Variants in TTC39B observed in about 807,000 individuals in gnomAD.
TTC39B encodes the protein tetratricopeptide repeat domain 39B.
TTC39B carries 92 observed loss-of-function variants against 96.6 expected under a neutral mutation model. The observed-to-expected ratio is 0.95, with a 90% CI of 0.80 to 1.13. TTC39B has a LOEUF of 1.13. Ranked by LOEUF, TTC39B falls within the 50% of genes most tolerant of loss-of-function variation. The probability of loss-of-function intolerance (pLI) is 0.00; values close to 1 mark genes in which losing one functional copy is unlikely to be tolerated. For missense variants in TTC39B, 955 were observed against 809.3 expected, an observed-to-expected ratio of 1.18 and a Z score of -2.18; for synonymous variants, 367 against 299.4, an observed-to-expected ratio of 1.23 and a Z score of -2.33.
chr9:15,265,052 TTG>T (rs1823081294), intron 2 of TTC39B, among the ~76,000 whole-genome samples: 1 of 152,132 alleles, frequency 6.6e-6, no homozygotes, highest in African/African-American at 2.4e-5. Flanking sequence ...CAAATATAAA[TTG>T]TTTCCCTCAT....
chr9:15,204,504 G>A (rs1447781595), intron 6 of TTC39B, among the ~76,000 whole-genome samples: 1 of 151,458 alleles, frequency 6.6e-6, no homozygotes, highest in Non-Finnish European at 1.5e-5. Flanking sequence ...ACTCCAGCCC[G>A]GGCAACAAGA....
At chr9:15,270,901 G>T (rs976729419) in intron 1 of TTC39B, among the ~76,000 whole-genome samples, 1 of 152,148 alleles carries the variant, frequency 6.6e-6, no homozygotes, top group Non-Finnish European at 1.5e-5. Context: ...AAGGAAAGGT[G>T]AAGAGAAGAA....
At chr9:15,254,443 T>C (rs1563766491) in intron 2 of TTC39B, among the ~76,000 whole-genome samples, 1 of 152,316 alleles carries the variant, frequency 6.6e-6, no homozygotes, top group East Asian at 1.9e-4. Flanking sequence ...ATATATTATA[T>C]GTATATACTA....
intron 3 of TTC39B, among the ~76,000 whole-genome samples, chr9:15,216,549 CTCCTA>C (rs1228167964): frequency 6.6e-6 from 1 of 152,164 alleles, no homozygotes; most frequent in Admixed American, 6.5e-5. Context: ...TGCCTGACAC[CTCCTA>C]TAACAGTCCA....
rs370613402 is a variant in TTC39B at position 15,203,928 on chromosome 9, C to T, written c.692-38G>A. 169 of 1,569,928 alleles carry T rather than the reference C, an allele frequency of 1.1e-4. 1 individual carries two copies. The South Asian group carries it at 1.5e-3, about 14-fold the overall frequency. On this transcript the variant is annotated intron_variant, in intron 6 of 19. Transcript: ENST00000512701. The stretch of plus-strand genomic sequence containing the variant: ...AATAAAATTATATTAAGTAAAATCA[C>T]ACATCCAAAGTGATTGCTCTGTGAT...
intron 2 of TTC39B, among the ~76,000 whole-genome samples, chr9:15,243,755 A>T (rs573254493): frequency 1.3e-5 from 2 of 152,168 alleles, no homozygotes; most frequent in Non-Finnish European, 1.5e-5. Context: ...ACAAAAAAAT[A>T]AAAAATTGGA....
Position 15,265,672 on chromosome 9 carries a change from C to T in TTC39B, c.275+2242G>A, listed in dbSNP as rs189535209. The stretch of plus-strand genomic sequence containing the variant: ...GAGGAGGGGAAAAAGGGCAACTTCA[C>T]AGTGGAAAAACCTGACAAACACTAC... On this transcript the variant is annotated intron_variant, in intron 2 of 19. Transcript: ENST00000512701. Among the ~76,000 whole-genome samples the T allele has an allele frequency of 1.2e-3, 187 of 152,216 alleles. 5 individuals are homozygous for T. The highest frequency in any genetic ancestry group is 1.5e-3 in the Non-Finnish European group (99 of 68,038).
chr9:15,281,643 AAAAAAAAT>A (rs1823765680), intron 1 of TTC39B, among the ~76,000 whole-genome samples: 4 of 148,198 alleles, frequency 2.7e-5, no homozygotes, highest in African/African-American at 7.9e-5. Context: ...AAAAAAAAAA[AAAAAAAAT>A]GGCAAAAAGC....
At chr9:15,262,461 T>C in intron 2 of TTC39B, among the ~76,000 whole-genome samples, 1 of 152,232 alleles carries the variant, frequency 6.6e-6, no homozygotes, top group East Asian at 1.9e-4. Context: ...ATCTCTAATT[T>C]TTCCTCCAGT....
At chr9:15,246,335 G>A (rs1464020317) in intron 2 of TTC39B, among the ~76,000 whole-genome samples, 1 of 151,370 alleles carries the variant, frequency 6.6e-6, no homozygotes, top group Admixed American at 6.6e-5. Flanking sequence ...CTGCAGAGGG[G>A]TATCTCATTA....
intron 10 of TTC39B, among the ~76,000 whole-genome samples, chr9:15,190,873 T>A (rs747788069): frequency 2.6e-5 from 4 of 151,020 alleles, no homozygotes; most frequent in Non-Finnish European, 5.9e-5. Context: ...CCCCCACCCC[T>A]CCCATCTTTG....
chr9:15,266,084 A>C (rs1178208085), intron 2 of TTC39B, among the ~76,000 whole-genome samples: 1 of 152,224 alleles, frequency 6.6e-6, no homozygotes, highest in Non-Finnish European at 1.5e-5. Flanking sequence ...TAATATATCC[A>C]TATTGATCAT....
chr9:15,185,140 T>A (rs2118677682), intron 16 of TTC39B, 140 bp downstream of exon 16: 1 of 1,088,504 alleles, frequency 9.2e-7, no homozygotes, highest in Middle Eastern at 3.3e-4. Flanking sequence ...TAATTATTTA[T>A]TTAGAAATGT....
intron 18 of TTC39B, among the ~76,000 whole-genome samples, chr9:15,175,479 G>T (rs557949194): frequency 2.4e-4 from 37 of 152,064 alleles, no homozygotes; most frequent in African/African-American, 8.9e-4. Context: ...TTAGAAATAA[G>T]AAAGTTGTAT....
chr9:15,231,851 G>C (rs958326786), intron 2 of TTC39B, among the ~76,000 whole-genome samples: 1 of 152,250 alleles, frequency 6.6e-6, no homozygotes, highest in African/African-American at 2.4e-5. Context: ...AAAGGAATGA[G>C]TGTAGATAGG....
chr9:15,180,864 A>T (rs1031347086), intron 17 of TTC39B, among the ~76,000 whole-genome samples: 2 of 152,352 alleles, frequency 1.3e-5, no homozygotes, highest in Admixed American at 1.3e-4. Context: ...GGTGATCTTC[A>T]GAAAATAAAC....
At chr9:15,245,114 A>G (rs1220952468) in intron 2 of TTC39B, among the ~76,000 whole-genome samples, 1 of 152,242 alleles carries the variant, frequency 6.6e-6, no homozygotes, top group African/African-American at 2.4e-5. Flanking sequence ...TTCTTAATCC[A>G]GAGATGTTCA....
intron 18 of TTC39B, 111 bp from the exon 19 acceptor site, chr9:15,175,246 TATC>T: frequency 2.8e-6 from 2 of 724,290 alleles, no homozygotes; most frequent in Non-Finnish European, 4.5e-6. Flanking sequence ...CTAAGTCTAT[TATC>T]ATAGAAAGGC....
exon 20 of TTC39B, chr9:15,170,841 G>C (rs1204670230): frequency 6.6e-6 from 1 of 152,216 alleles, no homozygotes; most frequent in Non-Finnish European, 1.5e-5. Flanking sequence ...CTCCAAGTGG[G>C]AATGGTTTGC....
Sources: gnomAD v4.1 joint callset for allele counts (sites outside exome capture counted in the v4.1 genomes callset) on GRCh38, gnomAD v4.1.1 for gene constraint, MANE v1.5 for transcripts, NCBI Gene and HGNC (gene_info 2026-07-23, HGNC 2026-07-21) for gene names.